Variants in SEPTIN7 observed in about 807,000 individuals in gnomAD.
SEPTIN7 encodes septin-7.
SEPTIN7 carries 10 observed loss-of-function variants against 63.3 expected under a neutral mutation model. That is an observed-to-expected ratio of 0.16 (90% CI 0.10 to 0.27). The LOEUF is 0.27. Among genes scored for constraint, SEPTIN7 ranks in the 10% least tolerant of loss-of-function variants. The pLI is 1.00. For synonymous variants in SEPTIN7, 131 were observed against 165.3 expected (o/e 0.79, Z 1.59); for missense variants, 310 against 521.0 (o/e 0.59, Z 3.94).
intron 3 of SEPTIN7, among the ~76,000 whole-genome samples, chr7:35,838,108 T>A (rs1310641336): frequency 6.6e-6 from 1 of 152,160 alleles, no homozygotes; most frequent in South Asian, 2.1e-4. Flanking sequence ...ACTTTTTTTT[T>A]CTTAAGTTTA....
At position 35,904,313 on chromosome 7, in the gene SEPTIN7, T is replaced by A; in HGVS notation, c.*20T>A. The A allele has an allele frequency of 6.5e-7, 1 of 1,544,750 alleles. No individual in the cohort carries two copies. The highest frequency in any genetic ancestry group is 2.4e-5 in the East Asian group (1 of 42,290). The stretch of plus-strand genomic sequence containing the variant: ...TTTTAAACTCTCTATTGACCACCAG[T>A]TAACGTATTAGTTGCCAATATGCCA... On this transcript the variant is annotated 3_prime_UTR_variant, in exon 14 of 14. Transcript: ENST00000350320.
chr7:35,879,583 A>G (rs1303681429), intron 6 of SEPTIN7: 1 of 319,070 alleles, frequency 3.1e-6, no homozygotes, highest in Non-Finnish European at 5.9e-6. Flanking sequence ...TGGTTTTTCC[A>G]ATTCCTCTTT....
intron 5 of SEPTIN7, 88 bp downstream of exon 5, chr7:35,872,854 C>T (rs1271900313): frequency 2.2e-6 from 2 of 890,960 alleles, no homozygotes; most frequent in Non-Finnish European, 3.7e-6. Flanking sequence ...TAAAACTTCT[C>T]ATCTTAGCAA....
the SEPTIN7 span, among the ~76,000 whole-genome samples, chr7:35,913,130 A>T: frequency 6.6e-6 from 1 of 152,094 alleles, no homozygotes; most frequent in South Asian, 2.1e-4. Context: ...AATAAATGTG[A>T]GAATGTGCCT....
intron 3 of SEPTIN7, among the ~76,000 whole-genome samples, chr7:35,856,362 T>C (rs1785206511): frequency 6.6e-6 from 1 of 152,212 alleles, no homozygotes; most frequent in Non-Finnish European, 1.5e-5. Flanking sequence ...TACCACAGTG[T>C]ATTTATCCAT....
chr7:35,863,491 G>A (rs1007798051), intron 3 of SEPTIN7, 61 bp from the exon 4 acceptor site: 27 of 968,870 alleles, frequency 2.8e-5, no homozygotes, highest in African/African-American at 4.9e-5. Context: ...AGCATCTGTT[G>A]AATATTTAAG....
chr7:35,915,646 G>T, the SEPTIN7 span, among the ~76,000 whole-genome samples: 1 of 151,986 alleles, frequency 6.6e-6, no homozygotes, highest in African/African-American at 2.4e-5. Context: ...CTCCTTCCAG[G>T]TCCTGGCTTC....
intron 1 of SEPTIN7, 77 bp downstream of exon 1, chr7:35,801,347 A>G: frequency 1.3e-6 from 2 of 1,492,906 alleles, no homozygotes; most frequent in Non-Finnish European, 1.8e-6. Context: ...CGCTGGACCG[A>G]GCTAGGGAAC....
intron 3 of SEPTIN7, among the ~76,000 whole-genome samples, chr7:35,844,867 AG>A (rs1441431710): frequency 2.0e-5 from 3 of 152,154 alleles, no homozygotes; most frequent in African/African-American, 7.2e-5. Context: ...CTGGGATTAC[AG>A]GTATGAGCCA....
At chr7:35,803,022 C>A in intron 1 of SEPTIN7, 1 of 249,788 alleles carries the variant, frequency 4.0e-6, no homozygotes, top group Middle Eastern at 2.0e-3. Context: ...ATTAAAAATA[C>A]ATATTTTACC....
intron 3 of SEPTIN7, among the ~76,000 whole-genome samples, chr7:35,858,830 G>A (rs574836159): frequency 2.5e-4 from 38 of 151,918 alleles, no homozygotes; most frequent in Non-Finnish European, 4.1e-4. Flanking sequence ...ACAGGCATGC[G>A]CCACCACACC....
chr7:35,856,256 G>A (rs1785197614), intron 3 of SEPTIN7, among the ~76,000 whole-genome samples: 1 of 152,062 alleles, frequency 6.6e-6, no homozygotes, highest in African/African-American at 2.4e-5. Context: ...TTTTAGATTG[G>A]CTTCTTTCGC....
At position 35,907,029 on chromosome 7, in the gene SEPTIN7, CAACAA is replaced by C. The variant is rs1439393384; in HGVS notation, c.*2738_*2742del. 1.3e-5 allele frequency: 2 copies of C among 152,136 alleles called. No homozygotes were observed. Among genetic ancestry groups the C allele is most frequent in the Non-Finnish European group, 2.9e-5 (2 of 68,026 alleles). The allele number at this position is 152,136 out of a possible 1,614,324, so 9.4% of individuals were successfully genotyped here. ...TGTATTGAACAATGAAAATATGTGT[CAACAA>C]ATGTACTGCTACACTAATGTGAACA... On this transcript the variant is annotated 3_prime_UTR_variant, in exon 14 of 14. Transcript: ENST00000350320.
downstream of SEPTIN7, among the ~76,000 whole-genome samples, chr7:35,908,645 A>AG (rs569323883): frequency 9.3e-4 from 141 of 152,128 alleles, no homozygotes; most frequent in African/African-American, 3.1e-3. Context: ...AGGCTAGCAG[A>AG]GGGGGGGTAG....
chr7:35,868,896 A>C (rs1785976333), intron 4 of SEPTIN7, among the ~76,000 whole-genome samples: 1 of 152,154 alleles, frequency 6.6e-6, no homozygotes, highest in Non-Finnish European at 1.5e-5. Context: ...ACAGACTGGG[A>C]ATGGTCTCAT....
intron 1 of SEPTIN7, among the ~76,000 whole-genome samples, chr7:35,827,525 C>T (rs142320325): frequency 0.015 from 2,245 of 152,244 alleles, 51 homozygotes; most frequent in African/African-American, 0.05. Flanking sequence ...GAGTCTTGCT[C>T]TGTCATCCAG....
intron 3 of SEPTIN7, among the ~76,000 whole-genome samples, chr7:35,837,941 C>G (rs1784159477): frequency 6.6e-6 from 1 of 152,076 alleles, no homozygotes; most frequent in Admixed American, 6.6e-5. Context: ...CCAGGCTGGT[C>G]TTGAACACCT....
At chr7:35,873,033 A>C (rs1786250904) in intron 5 of SEPTIN7, among the ~76,000 whole-genome samples, 1 of 152,130 alleles carries the variant, frequency 6.6e-6, no homozygotes, top group Admixed American at 6.6e-5. Flanking sequence ...AGGTAAATAG[A>C]AGAATTCTCA....
At chr7:35,877,000 A>G (rs570125292) in intron 6 of SEPTIN7, among the ~76,000 whole-genome samples, 1 of 152,072 alleles carries the variant, frequency 6.6e-6, no homozygotes, top group South Asian at 2.1e-4. Context: ...CTGGGGGTGC[A>G]CTCTGTAGTC....
Sources: gnomAD v4.1 joint callset for allele counts (sites outside exome capture counted in the v4.1 genomes callset) on GRCh38, gnomAD v4.1.1 for gene constraint, MANE v1.5 for transcripts, NCBI Gene and HGNC (gene_info 2026-07-23, HGNC 2026-07-21) for gene names.